Variants in CATSPERT observed in about 807,000 individuals in gnomAD.
The protein encoded by CATSPERT is catsper channel auxiliary subunit tau.
chr2:201,521,168 T>G, the CATSPERT span, among the ~76,000 whole-genome samples: 4 of 152,100 alleles, frequency 2.6e-5, no homozygotes, highest in African/African-American at 9.7e-5. Context: ...CTACCAAAGT[T>G]TAAAGAAGAA....
the CATSPERT span, among the ~76,000 whole-genome samples, chr2:201,615,024 C>T: frequency 1.3e-5 from 2 of 152,216 alleles, no homozygotes; most frequent in Non-Finnish European, 2.9e-5. Flanking sequence ...AATATGTATG[C>T]ACCCAATATA....
At chr2:201,487,729 G>A in the CATSPERT span, 1 of 1,613,968 alleles carries the variant, frequency 6.2e-7, no homozygotes, top group African/African-American at 1.3e-5. Context: ...ACTTTCCACT[G>A]TAGCTTTCTC....
the CATSPERT span, chr2:201,547,455 A>T: frequency 1.0e-6 from 1 of 998,664 alleles, no homozygotes; most frequent in Non-Finnish European, 1.4e-6. Context: ...TCCCATTCTT[A>T]ATAAAAAGTA....
the CATSPERT span, chr2:201,547,628 T>A: frequency 7.3e-7 from 1 of 1,368,348 alleles, no homozygotes. Context: ...AAGAAATAAG[T>A]TATGAATGAA....
chr2:201,571,966 G>A, the CATSPERT span: 7 of 1,613,314 alleles, frequency 4.3e-6, no homozygotes, highest in African/African-American at 5.3e-5. Flanking sequence ...CTTTCTGGAG[G>A]TGGTGCAAGA....
the CATSPERT span, among the ~76,000 whole-genome samples, chr2:201,602,607 A>T: frequency 4.7e-4 from 72 of 152,168 alleles, no homozygotes; most frequent in Non-Finnish European, 9.7e-4. Flanking sequence ...AAGAAGATAT[A>T]TATTTTTCCT....
At chr2:201,519,040 C>A in the CATSPERT span, among the ~76,000 whole-genome samples, 1 of 152,164 alleles carries the variant, frequency 6.6e-6, no homozygotes, top group South Asian at 2.1e-4. Flanking sequence ...GTAGGAACAA[C>A]CACAGTTGTT....
the CATSPERT span, among the ~76,000 whole-genome samples, chr2:201,595,249 C>T: frequency 2.2e-4 from 33 of 146,746 alleles, no homozygotes; most frequent in African/African-American, 7.1e-4. Context: ...GGTGCAGTGG[C>T]GGGATCTCGG....
the CATSPERT span, chr2:201,487,603 G>T: frequency 2.5e-6 from 4 of 1,606,776 alleles, no homozygotes; most frequent in South Asian, 3.3e-5. Context: ...ACAAATGAGC[G>T]AACATTTTTC....
the CATSPERT span, among the ~76,000 whole-genome samples, chr2:201,612,579 T>TG: frequency 0.015 from 463 of 30,552 alleles, 3 homozygotes; most frequent in Non-Finnish European, 0.024. Flanking sequence ...GACTCCATCT[T>TG]GGAAAAAAAA....
At chr2:201,588,731 A>G in the CATSPERT span, among the ~76,000 whole-genome samples, 3 of 151,932 alleles carry the variant, frequency 2.0e-5, no homozygotes, top group African/African-American at 7.3e-5. Flanking sequence ...CACCACTCCT[A>G]GTCAACATAG....
At chr2:201,536,663 C>T in the CATSPERT span, among the ~76,000 whole-genome samples, 2 of 151,576 alleles carry the variant, frequency 1.3e-5, no homozygotes, top group Admixed American at 1.3e-4. Context: ...ATTTTAATAA[C>T]AAAATGCACA....
the CATSPERT span, among the ~76,000 whole-genome samples, chr2:201,502,342 C>T: frequency 6.6e-6 from 1 of 151,976 alleles, no homozygotes; most frequent in Non-Finnish European, 1.5e-5. Flanking sequence ...GGGAGGCCGA[C>T]ATGGGAGGAT....
chr2:201,510,224 A>T, the CATSPERT span, among the ~76,000 whole-genome samples: 1 of 150,424 alleles, frequency 6.6e-6, no homozygotes. Context: ...TGGGCTGATC[A>T]CCTGAGGTCA....
At chr2:201,599,430 C>G in the CATSPERT span, among the ~76,000 whole-genome samples, 1 of 152,100 alleles carries the variant, frequency 6.6e-6, no homozygotes, top group South Asian at 2.1e-4. Context: ...TCTCAATTCT[C>G]CCCTGACAGT....
chr2:201,583,184 C>T, the CATSPERT span, among the ~76,000 whole-genome samples: 5 of 152,292 alleles, frequency 3.3e-5, no homozygotes, highest in Non-Finnish European at 5.9e-5. Flanking sequence ...GGGCACTTCC[C>T]AATCAGGTGA....
At chr2:201,511,122 A>G in the CATSPERT span, among the ~76,000 whole-genome samples, 2 of 152,234 alleles carry the variant, frequency 1.3e-5, no homozygotes, top group Non-Finnish European at 2.9e-5. Flanking sequence ...TATTTTGTGC[A>G]TCAAATTCTT....
the CATSPERT span, among the ~76,000 whole-genome samples, chr2:201,597,559 TCTCTGCTTGGGTTTCA>T: frequency 6.6e-6 from 1 of 152,060 alleles, no homozygotes; most frequent in African/African-American, 2.4e-5. Context: ...CTTGGGTTTC[TCTCTGCTTGGGTTTCA>T]CTCCGCTGTG....
chr2:201,561,753 AG>A, the CATSPERT span, among the ~76,000 whole-genome samples: 1 of 152,090 alleles, frequency 6.6e-6, no homozygotes. Context: ...ACATGCCTGT[AG>A]TCCCAGCTAC....
Sources: allele counts gnomAD v4.1 joint callset (sites outside exome capture counted in the v4.1 genomes callset), GRCh38; gene constraint gnomAD v4.1.1; transcripts MANE v1.5; gene names NCBI Gene and HGNC (gene_info 2026-07-23, HGNC 2026-07-21).